Variants in DMXL1 observed in about 807,000 individuals in gnomAD.
DMXL1 encodes dmX-like protein 1.
In DMXL1, 99 loss-of-function variants were observed where a neutral mutation model predicts 319.2. That is an observed-to-expected ratio of 0.31 (90% CI 0.26 to 0.37). DMXL1 has a LOEUF of 0.37. Ranked by LOEUF, DMXL1 falls within the 10% of genes least tolerant of loss-of-function variation. The pLI, the probability that DMXL1 is intolerant of heterozygous loss-of-function variation, is 1.00. For synonymous variants in DMXL1, 1,385 were observed against 1,235.2 expected (o/e 1.12, Z -2.54); for missense variants, 3,745 against 3,595.6 (o/e 1.04, Z -1.06).
At chr5:119,240,864 A>T (rs771002319) in intron 42 of DMXL1, among the ~76,000 whole-genome samples, 65 of 152,204 alleles carry the variant, frequency 4.3e-4, no homozygotes, top group Non-Finnish European at 6.8e-4. Flanking sequence ...GGAAGAAATA[A>T]AACTGTCTTT....
chr5:119,199,273 T>C (rs1780235451), intron 32 of DMXL1, among the ~76,000 whole-genome samples: 1 of 152,180 alleles, frequency 6.6e-6, no homozygotes, highest in African/African-American at 2.4e-5. Flanking sequence ...TTCTTTGTGT[T>C]CATGAGTTCT....
intron 1 of DMXL1, among the ~76,000 whole-genome samples, chr5:119,077,430 T>C (rs1751123916): frequency 6.6e-6 from 1 of 151,608 alleles, no homozygotes; most frequent in Admixed American, 6.6e-5. Flanking sequence ...AAACCAGTTT[T>C]ACATTTTGAT....
intron 1 of DMXL1, among the ~76,000 whole-genome samples, chr5:119,090,559 GTTTT>G (rs200712247): frequency 8.4e-6 from 1 of 118,460 alleles, no homozygotes; most frequent in Non-Finnish European, 1.8e-5. Flanking sequence ...TTTCTCCTCT[GTTTT>G]TTTTTTTTTT....
At chr5:119,114,573 G>A (rs1760400023) in intron 6 of DMXL1, 32 bp downstream of exon 6, 1 of 1,436,982 alleles carries the variant, frequency 7.0e-7, no homozygotes, top group South Asian at 1.2e-5. Flanking sequence ...GCCAAATTAT[G>A]TGTTTATAGT....
intron 1 of DMXL1, among the ~76,000 whole-genome samples, chr5:119,073,708 G>C (rs77554780): frequency 0.032 from 4,943 of 152,156 alleles, 254 homozygotes; most frequent in African/African-American, 0.11. Context: ...AGTATAAAGA[G>C]AGTTCAGCTC....
intron 22 of DMXL1, 94 bp from the exon 23 acceptor site, chr5:119,167,509 C>T: frequency 9.9e-7 from 1 of 1,015,128 alleles, no homozygotes; most frequent in Non-Finnish European, 1.4e-6. Flanking sequence ...TATTTATAAG[C>T]CTTTATATTT....
chr5:119,141,546 G>A (rs112229283), intron 13 of DMXL1, among the ~76,000 whole-genome samples: 4,221 of 152,202 alleles, frequency 0.028, 182 homozygotes, highest in African/African-American at 0.096. Flanking sequence ...AGCTATCCAG[G>A]GGGGTGGAAG....
intron 1 of DMXL1, among the ~76,000 whole-genome samples, chr5:119,092,753 A>G (rs1755066562): frequency 6.6e-6 from 1 of 152,210 alleles, no homozygotes; most frequent in Non-Finnish European, 1.5e-5. Context: ...GGATTTGTCT[A>G]TTCTGGACAT....
At chr5:119,213,563 A>G (rs554256330) in intron 34 of DMXL1, among the ~76,000 whole-genome samples, 1 of 152,338 alleles carries the variant, frequency 6.6e-6, no homozygotes, top group East Asian at 1.9e-4. Flanking sequence ...ATGTAGCAAA[A>G]TTCACTTAGA....
At chr5:119,218,832 T>C (rs1030407741) in intron 35 of DMXL1, among the ~76,000 whole-genome samples, 6 of 152,362 alleles carry the variant, frequency 3.9e-5, no homozygotes, top group African/African-American at 1.4e-4. Context: ...TTGCATTTTT[T>C]TAAATGCCAT....
rs532909083 is a variant in DMXL1 at position 119,133,218 on chromosome 5, A to G, written c.1402A>G (p.Thr468Ala). The change falls in exon 11 of 44, where the codon ACA becomes GCA. Residue 468 changes from threonine (T) to alanine (A), a missense_variant. Thr to Ala is a moderately conservative substitution (Grantham distance 58, BLOSUM62 0). This residue lies in a region of DMXL1 where 2,096 missense variants were observed against 1,985.4 expected (regional missense o/e 1.06). Coordinates refer to ENST00000539542, the MANE Select transcript of DMXL1 (RefSeq NM_001290321.3). Reference protein sequence around the residue: ...CDKMVPNSSFTSLSSAAIDHQ... With the variant: ...CDKMVPNSSFASLSSAAIDHQ... ...TAAAATGGTACCAAACTCAAGTTTT[A>G]CATCATTATCGTCAGCTGCCATTGA... The G allele has an allele frequency of 2.5e-6, 4 of 1,614,224 alleles. No individual in the cohort carries two copies. The South Asian group carries it at 4.4e-5, about 18-fold the overall frequency.
chr5:119,171,277 G>A lies in DMXL1; in HGVS notation c.6486G>A (p.Gln2162=). ...MELILLLQES[Q]QETSEPLFSS... is the part of the protein sequence containing the mutation. Reference sequence around the variant, plus strand: ...TGATTTTGCTTTTGCAAGAATCTCAGCAGGTATGTAATTTACTTGATAGTC... The same window carrying A: ...TGATTTTGCTTTTGCAAGAATCTCAACAGGTATGTAATTTACTTGATAGTC... Residue 2162 remains glutamine, a synonymous_variant, in exon 24 of 44, where the codon CAG becomes CAA. Coordinates refer to ENST00000539542, the MANE Select transcript of DMXL1 (RefSeq NM_001290321.3). 1 of 1,589,902 alleles carries A rather than the reference G, an allele frequency of 6.3e-7. No individual in the cohort carries two copies. Among genetic ancestry groups the A allele is most frequent in the Non-Finnish European group, 8.6e-7 (1 of 1,167,144 alleles).
chr5:119,078,218 G>C (rs923402847), intron 1 of DMXL1, among the ~76,000 whole-genome samples: 2 of 152,110 alleles, frequency 1.3e-5, no homozygotes, highest in Admixed American at 6.6e-5. Flanking sequence ...GGCCTCAAGT[G>C]ATCCTACTGC....
At position 119,247,631 on chromosome 5, in the gene DMXL1, T is replaced by A. The variant is rs1433051300; in HGVS notation, c.*412T>A. 6.5e-6 allele frequency: 1 copy of A among 152,936 alleles called. No individual in the cohort carries two copies. Among genetic ancestry groups the A allele is most frequent in the African/African-American group, 2.4e-5 (1 of 41,478 alleles). 9.5% of individuals were successfully genotyped at this position (152,936 alleles called of 1,614,324 possible). A position where few individuals can be genotyped will look rare whatever the true frequency, so the allele number is the denominator to read the frequency against. On this transcript the variant is annotated 3_prime_UTR_variant, in exon 44 of 44. Coordinates refer to ENST00000539542, the MANE Select transcript of DMXL1 (RefSeq NM_001290321.3). The stretch of plus-strand genomic sequence containing the variant: ...ACTCTCACTTCCTTTATTAGCCTTA[T>A]ACATCTCAAACTCTTCTCTTAATTA...
Position 119,071,675 on chromosome 5 carries a change from C to A in DMXL1, c.87+19C>A. 6.4e-7 allele frequency: 1 copy of A among 1,567,330 alleles called. No homozygotes were observed. Among genetic ancestry groups the A allele is most frequent in the Non-Finnish European group, 8.6e-7 (1 of 1,156,812 alleles). ...CTTCACGGTGAGTGAGGGAGGCCCT[C>A]GCGTCGCCCGTGGCCCGGCCTTTGC... On this transcript the variant is annotated intron_variant, in intron 1 of 43. Transcript: ENST00000539542.
chr5:119,152,097 A>G lies in DMXL1; in HGVS notation c.4702+61A>G. 2.5e-6 allele frequency: 3 copies of G among 1,186,742 alleles called. No homozygotes were observed. In the Admixed American group the frequency reaches 6.5e-5, roughly 26 times the overall value. The allele number at this position is 1,186,742 out of a possible 1,614,324, so 73.5% of individuals were successfully genotyped here. On this transcript the variant is annotated intron_variant, in intron 19 of 43. Transcript: ENST00000539542. ...GCGAGTAGAAAATGAGAGACTTGGG[A>G]GTTTTTAAACTTGTTTTTACCCAAA...
intron 3 of DMXL1, 119 bp downstream of exon 3, chr5:119,102,125 A>T (rs1320855601): frequency 1.9e-6 from 1 of 522,510 alleles, no homozygotes; most frequent in Non-Finnish European, 3.4e-6. Context: ...TTGAACCTAC[A>T]TGTTAAATTC....
At chr5:119,076,727 A>C (rs1190862315) in intron 1 of DMXL1, among the ~76,000 whole-genome samples, 1 of 152,164 alleles carries the variant, frequency 6.6e-6, no homozygotes, top group Admixed American at 6.5e-5. Flanking sequence ...GGGGGTGTTT[A>C]CCTGGTTTTG....
At chr5:119,197,581 T>G (rs980167291) in intron 31 of DMXL1, among the ~76,000 whole-genome samples, 174 bp from the exon 32 acceptor site, 2 of 152,216 alleles carry the variant, frequency 1.3e-5, no homozygotes, top group African/African-American at 2.4e-5. Flanking sequence ...TCCACTGGGT[T>G]TCTTTGCCCA....
Sources: allele counts gnomAD v4.1 joint callset (sites outside exome capture counted in the v4.1 genomes callset), GRCh38; gene constraint gnomAD v4.1.1; regional missense constraint gnomAD v4.1.1; transcripts MANE v1.5; gene names NCBI Gene and HGNC (gene_info 2026-07-23, HGNC 2026-07-21).